CCBE1: variants seen among roughly 807,000 people sequenced by gnomAD.
CCBE1 encodes collagen and calcium binding EGF domains 1.
In CCBE1, 37 loss-of-function variants were observed where a neutral mutation model predicts 50.0. That is an observed-to-expected ratio of 0.74 (90% CI 0.57 to 0.97). The LOEUF (loss-of-function observed/expected upper bound fraction) is 0.97. Among genes scored for constraint, CCBE1 ranks in the 50% least tolerant of loss-of-function variants. The pLI is 0.00. For synonymous variants in CCBE1, 234 were observed against 203.7 expected (o/e 1.15, Z -1.27); for missense variants, 538 against 523.8 (o/e 1.03, Z -0.26).
intron 2 of CCBE1, among the ~76,000 whole-genome samples, chr18:59,605,245 A>T (rs560604174): frequency 1.3e-5 from 2 of 152,178 alleles, no homozygotes; most frequent in Non-Finnish European, 2.9e-5. Flanking sequence ...ATCTTCTACA[A>T]CATGTTTTAG....
At chr18:59,480,360 G>T in intron 2 of CCBE1, 122 bp from the exon 3 acceptor site, 1 of 674,518 alleles carries the variant, frequency 1.5e-6, no homozygotes, top group Admixed American at 2.7e-5. Flanking sequence ...AGCAAAGTAG[G>T]GGTGAAGTAT....
intron 2 of CCBE1, among the ~76,000 whole-genome samples, chr18:59,573,827 A>G (rs962190844): frequency 6.6e-6 from 1 of 152,226 alleles, no homozygotes; most frequent in African/African-American, 2.4e-5. Flanking sequence ...TCCATTTGGT[A>G]TATTAAATGA....
At chr18:59,603,514 T>C (rs1367646705) in intron 2 of CCBE1, among the ~76,000 whole-genome samples, 1 of 152,208 alleles carries the variant, frequency 6.6e-6, no homozygotes, top group Admixed American at 6.5e-5. Context: ...GATACCTCCC[T>C]GCTTCAAGAC....
chr18:59,667,211 G>A (rs917894427), intron 2 of CCBE1, among the ~76,000 whole-genome samples: 33 of 152,292 alleles, frequency 2.2e-4, no homozygotes, highest in African/African-American at 2.9e-4. Context: ...CAAGGCTGCC[G>A]TGAGCCATGA....
At position 59,472,870 on chromosome 18, in the gene CCBE1, G is replaced by A. The variant is rs545094173; in HGVS notation, c.266-3263C>T. Among the ~76,000 whole-genome samples the A allele has an allele frequency of 1.2e-3, 182 of 152,356 alleles. 2 individuals carry two copies. In the South Asian group the frequency reaches 0.012, roughly 10 times the overall value. On this transcript the variant is annotated intron_variant, in intron 3 of 10. Coordinates refer to ENST00000439986, the MANE Select transcript of CCBE1 (RefSeq NM_133459.4). ...TACAATCATGGAAGAAGGCAAATGA[G>A]CAAAGTCATGTCTTACATGGTGGCA...
At position 59,697,382 on chromosome 18, in the gene CCBE1, C is replaced by G. The variant is rs1013868921; in HGVS notation, c.-40G>C. Reference sequence around the variant, plus strand: ...GCTTCTTCCCAGCGCCGAGCTCCGTCCGGACCAAGCGTCCTGCTCCTCCGC... The same window carrying G: ...GCTTCTTCCCAGCGCCGAGCTCCGTGCGGACCAAGCGTCCTGCTCCTCCGC... On this transcript the variant is annotated 5_prime_UTR_variant, in exon 1 of 11. Coordinates refer to ENST00000439986, the MANE Select transcript of CCBE1 (RefSeq NM_133459.4). 2 of 1,537,510 alleles carry G rather than the reference C, an allele frequency of 1.3e-6. No individual in the cohort carries two copies. The highest frequency in any genetic ancestry group is 2.7e-5 in the African/African-American group (2 of 72,760).
chr18:59,642,997 A>G (rs1158698799), intron 2 of CCBE1, among the ~76,000 whole-genome samples: 2 of 152,006 alleles, frequency 1.3e-5, no homozygotes, highest in Non-Finnish European at 2.9e-5. Context: ...ATGTATGTCA[A>G]AAGTAGAGGG....
At chr18:59,633,704 GGCT>G (rs991174160) in intron 2 of CCBE1, among the ~76,000 whole-genome samples, 1 of 151,448 alleles carries the variant, frequency 6.6e-6, no homozygotes, top group African/African-American at 2.4e-5. Context: ...TTCAAAGACA[GGCT>G]GCTTCTTCCT....
At chr18:59,555,640 A>G (rs1223899036) in intron 2 of CCBE1, among the ~76,000 whole-genome samples, 1 of 152,236 alleles carries the variant, frequency 6.6e-6, no homozygotes, top group Non-Finnish European at 1.5e-5. Context: ...ATCACATAAG[A>G]ATGCCAACAA....
intron 2 of CCBE1, among the ~76,000 whole-genome samples, chr18:59,515,945 A>C (rs1914350680): frequency 6.6e-6 from 1 of 152,048 alleles, no homozygotes; most frequent in South Asian, 2.1e-4. Context: ...TTTGATGCTC[A>C]AGCAACATTT....
intron 2 of CCBE1, among the ~76,000 whole-genome samples, chr18:59,588,244 C>T (rs1167704999): frequency 6.6e-6 from 1 of 152,082 alleles, no homozygotes; most frequent in Non-Finnish European, 1.5e-5. Flanking sequence ...TGTGTGCAGA[C>T]CACATAACCA....
chr18:59,661,838 G>T (rs139133699), intron 2 of CCBE1, among the ~76,000 whole-genome samples: 1 of 152,110 alleles, frequency 6.6e-6, no homozygotes, highest in Non-Finnish European at 1.5e-5. Flanking sequence ...ACAATGCTGC[G>T]CACCTGTAAT....
intron 2 of CCBE1, among the ~76,000 whole-genome samples, chr18:59,535,515 A>G (rs986181442): frequency 1.3e-5 from 2 of 152,166 alleles, no homozygotes; most frequent in African/African-American, 4.8e-5. Flanking sequence ...CAAAGTGTGC[A>G]CACTACCCCT....
chr18:59,435,899 T>C lies in CCBE1; in HGVS notation c.*9A>G, dbSNP rs375107649. ...TTCTCTTCCTTTGGCGTGACGGTGT[T>C]GGGATGTGCTATGGGTAGAAGTCTC... On this transcript the variant is annotated 3_prime_UTR_variant, in exon 11 of 11. Coordinates refer to ENST00000439986, the MANE Select transcript of CCBE1 (RefSeq NM_133459.4). 1.2e-5 allele frequency: 19 copies of C among 1,609,792 alleles called. No individual in the cohort carries two copies. Among genetic ancestry groups the C allele is most frequent in the Non-Finnish European group, 1.5e-5 (18 of 1,176,232 alleles).
At chr18:59,603,959 TA>T (rs2053463952) in intron 2 of CCBE1, among the ~76,000 whole-genome samples, 1 of 152,214 alleles carries the variant, frequency 6.6e-6, no homozygotes, top group South Asian at 2.1e-4. Context: ...AGTGCTGTTG[TA>T]AAAATGAAGT....
intron 2 of CCBE1, among the ~76,000 whole-genome samples, chr18:59,677,398 C>T (rs902578761): frequency 6.6e-5 from 10 of 152,134 alleles, no homozygotes; most frequent in African/African-American, 1.9e-4. Flanking sequence ...GTAGAAATCA[C>T]CATCTCTACT....
At chr18:59,686,762 TCTCC>T (rs1280027879) in intron 2 of CCBE1, among the ~76,000 whole-genome samples, 3 of 152,172 alleles carry the variant, frequency 2.0e-5, no homozygotes, top group Non-Finnish European at 4.4e-5. Flanking sequence ...ATATACAGTA[TCTCC>T]CTCCCTATGT....
chr18:59,647,496 TTTTGTAATCAGAC>T (rs1330064138), intron 2 of CCBE1, among the ~76,000 whole-genome samples: 1 of 152,272 alleles, frequency 6.6e-6, no homozygotes, highest in Non-Finnish European at 1.5e-5. Flanking sequence ...TTTTTTCTGC[TTTTGTAATCAGAC>T]TTTGTAATCA....
chr18:59,583,386 T>C (rs1469377861), intron 2 of CCBE1, among the ~76,000 whole-genome samples: 1 of 152,224 alleles, frequency 6.6e-6, no homozygotes, highest in Non-Finnish European at 1.5e-5. Context: ...TCCATTTCAA[T>C]GCCCACGATT....
Sources: gnomAD v4.1 joint callset for allele counts (sites outside exome capture counted in the v4.1 genomes callset) on GRCh38, gnomAD v4.1.1 for gene constraint, MANE v1.5 for transcripts, NCBI Gene and HGNC (gene_info 2026-07-23, HGNC 2026-07-21) for gene names.